GPR39: variants seen among roughly 807,000 people sequenced by gnomAD.
GPR39 encodes G protein-coupled receptor 39.
A neutral mutation model predicts 18.4 loss-of-function variants in GPR39; 23 were observed. The ratio of observed to expected loss-of-function variants is 1.25; its 90% CI spans 0.90 to 1.77. The LOEUF is 1.77. GPR39 is among the 40% of genes most tolerant of loss of function. The pLI, the probability that GPR39 is intolerant of heterozygous loss-of-function variation, is 0.00. For synonymous variants in GPR39, 280 were observed against 257.9 expected, an observed-to-expected ratio of 1.09 and a Z score of -0.82; for missense variants, 647 against 602.4, an observed-to-expected ratio of 1.07 and a Z score of -0.78.
chr2:132,639,299 A>G (rs981861167), intron 1 of GPR39, among the ~76,000 whole-genome samples: 1 of 152,112 alleles, frequency 6.6e-6, no homozygotes, highest in Non-Finnish European at 1.5e-5. Context: ...GGAGGTGGAG[A>G]TGTCTAACCC....
chr2:132,456,364 A>C (rs1042628963), intron 1 of GPR39, among the ~76,000 whole-genome samples: 2 of 148,784 alleles, frequency 1.3e-5, no homozygotes, highest in Non-Finnish European at 3.0e-5. Flanking sequence ...TTTTGAGACT[A>C]TGTGCATCTT....
intron 1 of GPR39, among the ~76,000 whole-genome samples, chr2:132,474,446 A>G (rs1340342477): frequency 1.3e-5 from 2 of 152,106 alleles, no homozygotes; most frequent in Non-Finnish European, 2.9e-5. Context: ...TATGCTTTGG[A>G]TATGGAGCTT....
chr2:132,485,882 G>A (rs142920393), intron 1 of GPR39, among the ~76,000 whole-genome samples: 1 of 152,248 alleles, frequency 6.6e-6, no homozygotes, highest in East Asian at 1.9e-4. Flanking sequence ...ATTTTTAACG[G>A]TATCTAGAAT....
intron 1 of GPR39, among the ~76,000 whole-genome samples, chr2:132,626,784 C>T (rs1387104029): frequency 6.6e-6 from 1 of 152,086 alleles, no homozygotes; most frequent in Non-Finnish European, 1.5e-5. Context: ...ACATTAAAGA[C>T]ATTTATATAA....
At chr2:132,616,939 G>A (rs1484672732) in intron 1 of GPR39, among the ~76,000 whole-genome samples, 1 of 152,210 alleles carries the variant, frequency 6.6e-6, no homozygotes, top group African/African-American at 2.4e-5. Flanking sequence ...TCCTCCAGAA[G>A]TTTCTGTACA....
chr2:132,480,427 CATA>C (rs1298114831), intron 1 of GPR39, among the ~76,000 whole-genome samples: 2 of 151,820 alleles, frequency 1.3e-5, no homozygotes, highest in African/African-American at 2.4e-5. Flanking sequence ...CTTTCAAAAC[CATA>C]ATAATAATAA....
rs537046658 is a variant in GPR39 at position 132,622,043 on chromosome 2, T to C, written c.857-23058T>C. Among the ~76,000 whole-genome samples the C allele has an allele frequency of 1.4e-3, 219 of 152,130 alleles. 1 individual carries two copies. The highest frequency in any genetic ancestry group is 5.2e-3 in the African/African-American group (215 of 41,530). ...GCCCCAGAGGGTACTCCTGCTGAGG[T>C]GAGGGGTCCCCTGGGCTGGGGAGAG... On this transcript the variant is annotated intron_variant, in intron 1 of 1. Coordinates refer to ENST00000329321, the MANE Select transcript of GPR39 (RefSeq NM_001508.3).
At chr2:132,423,231 C>T (rs1460441078) in intron 1 of GPR39, among the ~76,000 whole-genome samples, 1 of 151,342 alleles carries the variant, frequency 6.6e-6, no homozygotes, top group Non-Finnish European at 1.5e-5. Flanking sequence ...ATCCTTTCTG[C>T]TGCACATTCT....
chr2:132,540,646 C>T (rs1456998066), intron 1 of GPR39, among the ~76,000 whole-genome samples: 1 of 152,172 alleles, frequency 6.6e-6, no homozygotes, highest in Non-Finnish European at 1.5e-5. Context: ...CAGCCCTTGC[C>T]TGGCCACCTG....
chr2:132,531,366 G>A (rs903180067), intron 1 of GPR39, among the ~76,000 whole-genome samples: 1 of 152,090 alleles, frequency 6.6e-6, no homozygotes, highest in African/African-American at 2.4e-5. Context: ...AGTCCTTAGT[G>A]ACCTGCAAAG....
intron 1 of GPR39, among the ~76,000 whole-genome samples, chr2:132,585,217 A>G (rs59121205): frequency 0.013 from 2,013 of 152,024 alleles, 51 homozygotes; most frequent in African/African-American, 0.046. Flanking sequence ...CTTTTCCCGT[A>G]ACAACTTGGG....
chr2:132,582,867 C>T (rs1680650342), intron 1 of GPR39, among the ~76,000 whole-genome samples: 1 of 150,530 alleles, frequency 6.6e-6, no homozygotes, highest in African/African-American at 2.4e-5. Context: ...TCACAACAAG[C>T]ATTGGAAAAA....
chr2:132,500,313 A>T (rs954546510), intron 1 of GPR39, among the ~76,000 whole-genome samples: 29 of 152,114 alleles, frequency 1.9e-4, no homozygotes, highest in African/African-American at 7.0e-4. Context: ...ATTTTGTCAA[A>T]TGCTTTTTCT....
At chr2:132,509,440 TCACACACACAGA>T (rs1679198502) in intron 1 of GPR39, among the ~76,000 whole-genome samples, 1 of 51,512 alleles carries the variant, frequency 1.9e-5, no homozygotes, top group Admixed American at 2.8e-4. Flanking sequence ...ATATACACAC[TCACACACACAGA>T]CACTCACTCG....
chr2:132,637,516 G>C (rs142063710), intron 1 of GPR39, among the ~76,000 whole-genome samples: 258 of 152,342 alleles, frequency 1.7e-3, no homozygotes, highest in African/African-American at 5.8e-3. Context: ...ACATCATTTT[G>C]AAGTTGTGGC....
At chr2:132,606,996 A>T (rs1249685700) in intron 1 of GPR39, among the ~76,000 whole-genome samples, 1 of 152,210 alleles carries the variant, frequency 6.6e-6, no homozygotes, top group Non-Finnish European at 1.5e-5. Context: ...GTTGGGTGTT[A>T]TCTCACTCTG....
chr2:132,466,388 T>G lies in GPR39; in HGVS notation c.856+48490T>G, dbSNP rs150540607. On this transcript the variant is annotated intron_variant, in intron 1 of 1. Transcript: ENST00000329321. ...TTGTCCTTTTTTTCAAATTTGAGTT[T>G]CCTTGCGATTTATCTTTTGTTTCCT... Among the ~76,000 whole-genome samples the G allele has an allele frequency of 4.8e-3, 732 of 152,352 alleles. 4 individuals carry two copies. The highest frequency in any genetic ancestry group is 0.016 in the African/African-American group (682 of 41,586).
intron 1 of GPR39, among the ~76,000 whole-genome samples, chr2:132,510,947 C>T (rs1199598265): frequency 6.6e-6 from 1 of 152,086 alleles, no homozygotes; most frequent in Admixed American, 6.6e-5. Context: ...TGATTATAAC[C>T]AATCTGAATT....
intron 1 of GPR39, among the ~76,000 whole-genome samples, chr2:132,453,865 G>A (rs1263460566): frequency 1.3e-5 from 2 of 152,208 alleles, no homozygotes; most frequent in Non-Finnish European, 2.9e-5. Context: ...TCAGCACCAT[G>A]CTGTTTTGGT....
Sources: gnomAD v4.1 joint callset for allele counts (sites outside exome capture counted in the v4.1 genomes callset) on GRCh38, gnomAD v4.1.1 for gene constraint, MANE v1.5 for transcripts, NCBI Gene and HGNC (gene_info 2026-07-23, HGNC 2026-07-21) for gene names.